The following MYLK4 variants were observed in gnomAD, a reference collection of about 807,000 sequenced individuals.
MYLK4 encodes the protein myosin light chain kinase family member 4, also known as caMLCK like.
Under a neutral mutation model 48.1 loss-of-function variants are expected in MYLK4, and 46 were observed. The observed-to-expected ratio is 0.96, with a 90% confidence interval of 0.75 to 1.22. The LOEUF is 1.22. MYLK4 is among the 50% of genes most tolerant of loss of function. The pLI is 0.00. For synonymous variants in MYLK4, 170 were observed against 180.8 expected (o/e 0.94, Z 0.48); for missense variants, 451 against 486.1 (o/e 0.93, Z 0.68).
the MYLK4 span, among the ~76,000 whole-genome samples, chr6:2,763,023 C>T: frequency 1.4e-4 from 22 of 152,322 alleles, no homozygotes; most frequent in East Asian, 1.9e-4. Context: ...GGGTCTCCAT[C>T]GCCAGCTCTA....
chr6:2,693,258 T>C (rs191498056), intron 2 of MYLK4, among the ~76,000 whole-genome samples: 1 of 152,328 alleles, frequency 6.6e-6, no homozygotes, highest in African/African-American at 2.4e-5. Context: ...AAAACTGTCA[T>C]TATGGGAAAA....
chr6:2,766,594 C>T, the MYLK4 span: 2 of 1,357,056 alleles, frequency 1.5e-6, no homozygotes, highest in African/African-American at 1.5e-5. Context: ...GGGGCAGTGC[C>T]TGGTCCACAG....
At chr6:2,670,368 AAAAC>A (rs10612556) in intron 12 of MYLK4, among the ~76,000 whole-genome samples, 43,074 of 150,600 alleles carry the variant, frequency 0.29, 6,695 homozygotes, top group East Asian at 0.6. Flanking sequence ...TCTATCTCAA[AAAAC>A]AAACAAACAA....
At chr6:2,768,146 C>T in the MYLK4 span, among the ~76,000 whole-genome samples, 3 of 152,176 alleles carry the variant, frequency 2.0e-5, no homozygotes, top group African/African-American at 4.8e-5. Flanking sequence ...TCATCTCCTA[C>T]CAGAGTGAAC....
chr6:2,686,902 G>A (rs1021560550), intron 4 of MYLK4, among the ~76,000 whole-genome samples: 3 of 152,146 alleles, frequency 2.0e-5, no homozygotes, highest in Non-Finnish European at 2.9e-5. Flanking sequence ...AGCAATGGCC[G>A]CAGAACCTCC....
chr6:2,694,793 A>G (rs1056335139), intron 2 of MYLK4, among the ~76,000 whole-genome samples: 1 of 152,092 alleles, frequency 6.6e-6, no homozygotes, highest in African/African-American at 2.4e-5. Context: ...GTACAAATGA[A>G]GTTGGGTAAT....
At chr6:2,749,623 T>C (rs1382702465) in intron 1 of MYLK4, among the ~76,000 whole-genome samples, 1 of 152,220 alleles carries the variant, frequency 6.6e-6, no homozygotes, top group African/African-American at 2.4e-5. Context: ...AAGCAAACAG[T>C]AAGAAGCAAT....
chr6:2,766,312 G>C, the MYLK4 span: 1 of 1,609,988 alleles, frequency 6.2e-7, no homozygotes, highest in Non-Finnish European at 8.5e-7. Context: ...TGGCCGACAC[G>C]ATGCGTCCTG....
At chr6:2,766,870 A>T in the MYLK4 span, among the ~76,000 whole-genome samples, 1 of 151,706 alleles carries the variant, frequency 6.6e-6, no homozygotes, top group African/African-American at 2.4e-5. Context: ...TTCAGCTTTG[A>T]AAAAAATCAA....
At chr6:2,693,335 G>A (rs79577561) in intron 2 of MYLK4, among the ~76,000 whole-genome samples, 1,846 of 152,316 alleles carry the variant, frequency 0.012, 17 homozygotes, top group Non-Finnish European at 0.019. Context: ...CTCTGTGTAA[G>A]TTGTCTTGAT....
At chr6:2,731,226 T>C (rs1392423224) in intron 2 of MYLK4, among the ~76,000 whole-genome samples, 1 of 151,926 alleles carries the variant, frequency 6.6e-6, no homozygotes, top group Non-Finnish European at 1.5e-5. Flanking sequence ...GAATGAATCC[T>C]GGAACTGCTA....
At chr6:2,705,124 C>T (rs368383908) in intron 2 of MYLK4, among the ~76,000 whole-genome samples, 4 of 152,264 alleles carry the variant, frequency 2.6e-5, no homozygotes, top group East Asian at 1.9e-4. Context: ...TATAACAGAT[C>T]GCAGAAGAAA....
chr6:2,761,035 T>C, the MYLK4 span, among the ~76,000 whole-genome samples: 1 of 152,144 alleles, frequency 6.6e-6, no homozygotes, highest in African/African-American at 2.4e-5. Flanking sequence ...CAGCATACCT[T>C]AGGTATGAAC....
intron 2 of MYLK4, among the ~76,000 whole-genome samples, chr6:2,704,197 G>T (rs974080690): frequency 1.3e-5 from 2 of 152,212 alleles, no homozygotes; most frequent in African/African-American, 4.8e-5. Context: ...ATGCCAGGCT[G>T]TATTTACTGA....
chr6:2,713,123 A>T (rs112828483), intron 2 of MYLK4, among the ~76,000 whole-genome samples: 3,102 of 152,150 alleles, frequency 0.02, 87 homozygotes, highest in African/African-American at 0.071. Context: ...ACAATCCCAG[A>T]ACTTTGGGAG....
chr6:2,728,628 C>G (rs1763371783), intron 2 of MYLK4, among the ~76,000 whole-genome samples: 1 of 152,212 alleles, frequency 6.6e-6, no homozygotes, highest in African/African-American at 2.4e-5. Flanking sequence ...GAGAGGTTGG[C>G]ACTCCAGCTG....
chr6:2,701,297 C>G (rs1040925766), intron 2 of MYLK4, among the ~76,000 whole-genome samples: 5 of 152,136 alleles, frequency 3.3e-5, no homozygotes, highest in Non-Finnish European at 1.5e-5. Flanking sequence ...CACTTCATCT[C>G]CTGTCTCCCA....
At chr6:2,769,697 A>G in the MYLK4 span, among the ~76,000 whole-genome samples, 1 of 152,194 alleles carries the variant, frequency 6.6e-6, no homozygotes, top group African/African-American at 2.4e-5. Flanking sequence ...TAATAATAAT[A>G]TGATTGAGTG....
chr6:2,770,218 C>T, the MYLK4 span: 1 of 1,614,226 alleles, frequency 6.2e-7, no homozygotes, highest in Non-Finnish European at 8.5e-7. Flanking sequence ...TTCTGAGCCG[C>T]TGTCGAGTGA....
Sources: allele counts gnomAD v4.1 joint callset (sites outside exome capture counted in the v4.1 genomes callset), GRCh38; gene constraint gnomAD v4.1.1; transcripts MANE v1.5; gene names NCBI Gene and HGNC (gene_info 2026-07-23, HGNC 2026-07-21).